CAMTA1: variants seen among roughly 807,000 people sequenced by gnomAD.
CAMTA1 encodes the protein calmodulin-binding transcription activator 1.
Under a neutral mutation model 170.9 loss-of-function variants are expected in CAMTA1, and 27 were observed. The observed-to-expected ratio is 0.16, with a 90% CI of 0.12 to 0.22. The LOEUF (loss-of-function observed/expected upper bound fraction) is 0.22. CAMTA1 is among the 10% of genes least tolerant of loss of function. The pLI, the probability that CAMTA1 is intolerant of heterozygous loss-of-function variation, is 1.00. For missense variants in CAMTA1, 1,619 were observed against 2,217.2 expected, an observed-to-expected ratio of 0.73 and a Z score of 5.42; for synonymous variants, 833 against 891.5, an observed-to-expected ratio of 0.93 and a Z score of 1.17.
chr1:7,523,895 A>T (rs2094398721), intron 6 of CAMTA1, among the ~76,000 whole-genome samples: 1 of 136,332 alleles, frequency 7.3e-6, no homozygotes, highest in African/African-American at 2.8e-5. Context: ...AAAAAAAAAT[A>T]ATAATAATAA....
intron 6 of CAMTA1, among the ~76,000 whole-genome samples, chr1:7,631,660 C>A (rs1266368003): frequency 6.6e-6 from 1 of 152,206 alleles, no homozygotes; most frequent in Non-Finnish European, 1.5e-5. Flanking sequence ...CCCAAGGAGA[C>A]AGCAGCCTGC....
At position 6,995,295 on chromosome 1, in the gene CAMTA1, C is replaced by CTTTTTTTTTTTTTTTTTTTTTTTT. The variant is rs765139922; in HGVS notation, c.235-96008_235-95985dup. ...TCCTTTAAAATCTTTTTTTTCTTTTCTTTTTTTTTTTTTTTTTTTTTTTTG... is the reference window on the plus strand; with the variant it reads ...TCCTTTAAAATCTTTTTTTTCTTTTCTTTTTTTTTTTTTTTTTTTTTTTTTTTTTTTTTTTTTTTTTTTTTTTTG... On this transcript the variant is annotated intron_variant, in intron 3 of 22. Coordinates refer to ENST00000303635, the MANE Select transcript of CAMTA1 (RefSeq NM_015215.4). Among the ~76,000 whole-genome samples, 13 of 60,624 alleles carry CTTTTTTTTTTTTTTTTTTTTTTTT rather than the reference C, an allele frequency of 2.1e-4. 1 individual carries two copies. Among genetic ancestry groups the CTTTTTTTTTTTTTTTTTTTTTTTT allele is most frequent in the East Asian group, 1.1e-3 (2 of 1,786 alleles). The allele number at this position is 60,624 out of a possible 152,430, so 39.8% of individuals were successfully genotyped here. A position where few individuals can be genotyped will look rare whatever the true frequency, so the allele number is the denominator to read the frequency against.
intron 3 of CAMTA1, among the ~76,000 whole-genome samples, chr1:6,905,014 G>A (rs913760639): frequency 1.3e-5 from 2 of 151,902 alleles, no homozygotes; most frequent in African/African-American, 2.4e-5. Context: ...AGTGGCCCAC[G>A]CTTGCCACTC....
At chr1:6,857,408 A>G (rs1190894223) in intron 3 of CAMTA1, among the ~76,000 whole-genome samples, 1 of 152,242 alleles carries the variant, frequency 6.6e-6, no homozygotes, top group East Asian at 1.9e-4. Context: ...TGTTCAATTA[A>G]AAAAGTAAAA....
At chr1:7,101,428 G>GGGTT (rs945697070) in intron 4 of CAMTA1, among the ~76,000 whole-genome samples, 2 of 152,194 alleles carry the variant, frequency 1.3e-5, no homozygotes, top group African/African-American at 4.8e-5. Context: ...GATCATCTGG[G>GGGTT]GGTTCTGGGC....
At chr1:7,349,448 C>A (rs949353199) in intron 5 of CAMTA1, among the ~76,000 whole-genome samples, 2 of 152,234 alleles carry the variant, frequency 1.3e-5, no homozygotes, top group Non-Finnish European at 2.9e-5. Context: ...TGACATGTGT[C>A]CTCTGTCCAG....
chr1:7,615,238 A>G (rs74796575), intron 6 of CAMTA1, among the ~76,000 whole-genome samples: 1,799 of 152,306 alleles, frequency 0.012, 24 homozygotes, highest in African/African-American at 0.04. Context: ...TGTGGTCCCC[A>G]TCCTAGCAGC....
chr1:7,523,835 A>G (rs949672465), intron 6 of CAMTA1, among the ~76,000 whole-genome samples: 1 of 151,506 alleles, frequency 6.6e-6, no homozygotes, highest in African/African-American at 2.4e-5. Context: ...GTGAGCCAAG[A>G]TCGCACCACT....
At chr1:7,710,634 C>T (rs138902340) in intron 11 of CAMTA1, among the ~76,000 whole-genome samples, 2 of 147,856 alleles carry the variant, frequency 1.4e-5, no homozygotes, top group East Asian at 4.0e-4. Context: ...AATTTATTGA[C>T]TCTTAGGAAG....
chr1:6,912,492 A>G (rs950948149), intron 3 of CAMTA1, among the ~76,000 whole-genome samples: 18 of 152,256 alleles, frequency 1.2e-4, no homozygotes, highest in Non-Finnish European at 1.8e-4. Flanking sequence ...CTGTCTTTAC[A>G]TAAAGAGCCC....
chr1:7,192,370 A>G (rs1654698798), intron 4 of CAMTA1, among the ~76,000 whole-genome samples: 1 of 152,218 alleles, frequency 6.6e-6, no homozygotes, highest in African/African-American at 2.4e-5. Flanking sequence ...TTGATTCATC[A>G]CTGGCAGCTG....
intron 3 of CAMTA1, among the ~76,000 whole-genome samples, chr1:6,827,298 C>T (rs879067749): frequency 1.3e-5 from 2 of 152,230 alleles, no homozygotes; most frequent in Admixed American, 1.3e-4. Flanking sequence ...TGAAGCCATG[C>T]AGCACCCTTT....
intron 5 of CAMTA1, among the ~76,000 whole-genome samples, chr1:7,432,848 G>A (rs766431466): frequency 3.3e-5 from 5 of 152,126 alleles, no homozygotes; most frequent in South Asian, 2.1e-4. Flanking sequence ...TGTTTATTTC[G>A]CTCTCTGCAG....
intron 11 of CAMTA1, among the ~76,000 whole-genome samples, chr1:7,719,875 T>G (rs1243383056): frequency 6.6e-6 from 1 of 152,240 alleles, no homozygotes; most frequent in Non-Finnish European, 1.5e-5. Context: ...CTCCTTTGCC[T>G]CCTCAGCTCT....
chr1:7,049,549 C>T lies in CAMTA1; in HGVS notation c.235-41755C>T, dbSNP rs118089697. On this transcript the variant is annotated intron_variant, in intron 3 of 22. Coordinates refer to ENST00000303635, the MANE Select transcript of CAMTA1 (RefSeq NM_015215.4). The stretch of plus-strand genomic sequence containing the variant: ...TCTACTAACTGCAACCTCTGCCTCC[C>T]GGGTGCAAGCGATTCTTCTGACTCA... Among the ~76,000 whole-genome samples, 15 of 152,194 alleles carry T rather than the reference C, an allele frequency of 9.9e-5. No homozygotes were observed. The East Asian group carries it at 1.4e-3, about 14-fold the overall frequency.
intron 5 of CAMTA1, among the ~76,000 whole-genome samples, chr1:7,397,605 A>G (rs2089432850): frequency 6.6e-6 from 1 of 151,642 alleles, no homozygotes; most frequent in African/African-American, 2.4e-5. Flanking sequence ...AAATTTTTTT[A>G]TTTGAGATCT....
chr1:7,497,685 C>A (rs1300093606), intron 6 of CAMTA1, among the ~76,000 whole-genome samples: 2 of 152,306 alleles, frequency 1.3e-5, no homozygotes, highest in Admixed American at 1.3e-4. Context: ...AAGGGACTTC[C>A]CTGACTGGAG....
intron 10 of CAMTA1, among the ~76,000 whole-genome samples, chr1:7,672,265 G>T (rs1220969782): frequency 6.6e-6 from 1 of 151,980 alleles, no homozygotes; most frequent in African/African-American, 2.4e-5. Context: ...CAGGCCCCAG[G>T]GTGTTTCTAG....
intron 3 of CAMTA1, among the ~76,000 whole-genome samples, chr1:6,849,361 A>G (rs1659530188): frequency 6.6e-6 from 1 of 152,128 alleles, no homozygotes; most frequent in African/African-American, 2.4e-5. Flanking sequence ...GAGTACGGAT[A>G]AAATTTTCCT....
Sources: gnomAD v4.1 joint callset for allele counts (sites outside exome capture counted in the v4.1 genomes callset) on GRCh38, gnomAD v4.1.1 for gene constraint, MANE v1.5 for transcripts, NCBI Gene and HGNC (gene_info 2026-07-23, HGNC 2026-07-21) for gene names.